STXBP2: variants seen among roughly 807,000 people sequenced by gnomAD.
The protein encoded by STXBP2 is syntaxin binding protein 2.
A neutral mutation model predicts 72.2 loss-of-function variants in STXBP2; 47 were observed. That is an observed-to-expected ratio of 0.65 (90% CI 0.51 to 0.83). STXBP2 has a LOEUF of 0.83. STXBP2 is among the 40% of genes least tolerant of loss of function. The pLI, the probability that STXBP2 is intolerant of heterozygous loss-of-function variation, is 0.00. For missense variants in STXBP2, 702 were observed against 807.6 expected (o/e 0.87, Z 1.58); for synonymous variants, 367 against 338.7 (o/e 1.08, Z -0.92).
At chr19:7,638,051 AC>A (rs1464269865) in intron 1 of STXBP2, among the ~76,000 whole-genome samples, 1 of 152,222 alleles carries the variant, frequency 6.6e-6, no homozygotes, top group Admixed American at 6.5e-5. Flanking sequence ...ACTGGCTGAA[AC>A]CCTCACAGCA....
the STXBP2 span, chr19:7,630,474 C>A: frequency 1.1e-6 from 1 of 946,876 alleles, no homozygotes; most frequent in Non-Finnish European, 1.6e-6. Flanking sequence ...CGTAACGAGG[C>A]GCTTCTGGAC....
At chr19:7,633,270 C>A (rs1247388711), upstream of STXBP2, 13 of 937,250 alleles carry the variant, frequency 1.4e-5, no homozygotes, top group Non-Finnish European at 1.9e-5. Flanking sequence ...AGCCCACCAG[C>A]CCCTTTCTAC....
intron 4 of STXBP2, chr19:7,640,258 G>A (rs1001105521): frequency 3.6e-6 from 2 of 548,530 alleles, no homozygotes; most frequent in Non-Finnish European, 7.0e-6. Context: ...GTGTGCATGT[G>A]TGTATGCGTG....
upstream of STXBP2, chr19:7,632,642 C>T (rs571150656): frequency 6.5e-5 from 102 of 1,567,518 alleles, 1 homozygote; most frequent in African/African-American, 1.3e-3. The surrounding 1 kb of genome is among the most constrained non-coding windows in gnomAD (Gnocchi z 5.2). Flanking sequence ...CCCCCAGGCC[C>T]TCCAGATGAC....
chr19:7,639,866 GTGTA>G (rs1251646420), intron 4 of STXBP2, 59 bp downstream of exon 4: 9 of 1,550,296 alleles, frequency 5.8e-6, no homozygotes, highest in African/African-American at 2.7e-5. Context: ...GTGCATGTGT[GTGTA>G]TGTCTGCATG....
chr19:7,634,384 C>G (rs566812401), upstream of STXBP2, among the ~76,000 whole-genome samples: 1 of 152,318 alleles, frequency 6.6e-6, no homozygotes, highest in South Asian at 2.1e-4. Context: ...CACCTCTGCC[C>G]GAGCCTCCTC....
chr19:7,631,316 C>T, the STXBP2 span: 6 of 1,409,180 alleles, frequency 4.3e-6, 1 homozygote, highest in Middle Eastern at 5.2e-4. Flanking sequence ...CCACGCGGAC[C>T]CCTTTGTAAT....
the STXBP2 span, chr19:7,629,878 T>C: frequency 6.6e-7 from 1 of 1,523,320 alleles, no homozygotes; most frequent in Non-Finnish European, 8.8e-7. Flanking sequence ...GACACAGGAG[T>C]GGGTTGGGAG....
At chr19:7,632,129 A>G (rs2031339654), upstream of STXBP2, 3 of 590,226 alleles carry the variant, frequency 5.1e-6, no homozygotes, top group Non-Finnish European at 8.7e-6. The surrounding 1 kb of genome is among the most constrained non-coding windows in gnomAD (Gnocchi z 5.2). Context: ...AAGGGGTCCT[A>G]TTTTCTCCCT....
chr19:7,640,156 CTG>C (rs1278787798), intron 4 of STXBP2: 5 of 506,486 alleles, frequency 9.9e-6, no homozygotes, highest in East Asian at 8.9e-5. Context: ...CTGTGTGCAT[CTG>C]TATGTGTGTG....
At chr19:7,637,379 A>C (rs1372465138) in intron 1 of STXBP2, among the ~76,000 whole-genome samples, 193 bp downstream of exon 1, 2 of 152,126 alleles carry the variant, frequency 1.3e-5, no homozygotes, top group Non-Finnish European at 2.9e-5. Flanking sequence ...GTGCCAGAAC[A>C]GAACAAAATT....
intron 16 of STXBP2, 118 bp from the exon 17 acceptor site, chr19:7,647,044 G>A (rs2032162496): frequency 2.9e-6 from 3 of 1,023,572 alleles, no homozygotes; most frequent in Non-Finnish European, 4.4e-6. Context: ...GAGGCAGGAG[G>A]TGGAGATGCT....
In STXBP2 at chr19:7,640,778, C is replaced by T. The variant is rs764792238; in HGVS notation, c.294C>T (p.Thr98=). 2 of 1,614,188 alleles carry T rather than the reference C, an allele frequency of 1.2e-6. No homozygotes were observed. Among genetic ancestry groups the T allele is most frequent in the Admixed American group, 3.3e-5 (2 of 60,028 alleles). The part of the protein sequence containing the change: ...IKDFQGTPTF[T]YKAAHIFFTD... ...ACTTCCAGGGGACCCCGACTTTCAC[C>T]TACAAAGCGGCCCATATCTTCTTCA... is the stretch of plus-strand genomic sequence containing the variant. The change falls in exon 5 of 19, where the codon ACC becomes ACT. Residue 98 remains threonine (T), a synonymous_variant. Coordinates refer to ENST00000221283, the MANE Select transcript of STXBP2 (RefSeq NM_006949.4).
chr19:7,644,357 G>A (rs2146225564), intron 13 of STXBP2: 1 of 549,474 alleles, frequency 1.8e-6, no homozygotes, highest in Non-Finnish European at 3.3e-6. Context: ...GTGGAGCCTT[G>A]GAGAGGTAGT....
At chr19:7,632,465 G>A (rs1255374924), upstream of STXBP2, 1 of 1,613,878 alleles carries the variant, frequency 6.2e-7, no homozygotes, top group Admixed American at 1.7e-5. The surrounding 1 kb of genome is among the most constrained non-coding windows in gnomAD (Gnocchi z 5.2). Flanking sequence ...GGCGGCCCTG[G>A]GTACTGGCCA....
At chr19:7,645,113 G>A in intron 14 of STXBP2, 84 bp from the exon 15 acceptor site, 1 of 1,490,536 alleles carries the variant, frequency 6.7e-7, no homozygotes, top group Non-Finnish European at 9.1e-7. Flanking sequence ...AGAGTCCTGG[G>A]AGCTCCTCAG....
Position 7,647,491 on chromosome 19 carries a change from G to A in STXBP2, c.1676G>A (p.Gly559Asp), listed in dbSNP as rs552459149. 1 of 1,603,438 alleles carries A rather than the reference G, an allele frequency of 6.2e-7. No individual in the cohort carries two copies. Among genetic ancestry groups the A allele is most frequent in the African/African-American group, 1.3e-5 (1 of 74,558 alleles). Residue 559 changes from glycine (G) to aspartate (D), a missense_variant, in exon 18 of 19, where the codon GGC becomes GAC. Physicochemically the swap from Gly to Asp is moderately conservative, Grantham distance 94 (BLOSUM62 -1). Transcript: ENST00000221283. ...AAYEVTRATE[G>D]KWEVLIGSSH... ...TACGAGGTGACCAGGGCCACCGAGG[G>A]CAAGTGGGAGGTGCTCATTGGTAAG... is the stretch of plus-strand genomic sequence containing the variant.
chr19:7,644,796 C>T lies in STXBP2; in HGVS notation c.1246+44C>T, dbSNP rs371175583. ...GAGTTGGAACGTCCCCATTTGCCAGCGTCTCCCACGATCCTGGGAACTGCT... is the reference window on the plus strand; with the variant it reads ...GAGTTGGAACGTCCCCATTTGCCAGTGTCTCCCACGATCCTGGGAACTGCT... On this transcript the variant is annotated intron_variant, in intron 14 of 18. Coordinates refer to ENST00000221283, the MANE Select transcript of STXBP2 (RefSeq NM_006949.4). 4.3e-6 allele frequency: 7 copies of T among 1,612,520 alleles called. No homozygotes were observed. In the African/African-American group the frequency reaches 5.3e-5, roughly 12 times the overall value.
At chr19:7,632,369 C>T (rs376914944), upstream of STXBP2, 484 of 1,612,782 alleles carry the variant, frequency 3.0e-4, 4 homozygotes, top group African/African-American at 4.1e-4. This position sits in a 1 kb window ranked among gnomAD's most constrained non-coding sequence, Gnocchi z 5.2. Flanking sequence ...GGTTTCTCCT[C>T]GACATCGCCA....
Sources: allele counts gnomAD v4.1 joint callset (sites outside exome capture counted in the v4.1 genomes callset), GRCh38; gene constraint gnomAD v4.1.1; non-coding constraint Gnocchi (gnomAD v3.1); transcripts MANE v1.5; gene names NCBI Gene and HGNC (gene_info 2026-07-23, HGNC 2026-07-21).